GPC6: variants seen among roughly 807,000 people sequenced by gnomAD.
GPC6 encodes glypican 6.
Under a neutral mutation model 55.2 loss-of-function variants are expected in GPC6, and 14 were observed. The observed-to-expected ratio is 0.25, with a 90% CI of 0.17 to 0.40. The LOEUF is 0.40. Among genes scored for constraint, GPC6 ranks in the 10% least tolerant of loss-of-function variants. The pLI is 1.00. For synonymous variants in GPC6, 278 were observed against 259.6 expected, an observed-to-expected ratio of 1.07 and a Z score of -0.68; for missense variants, 641 against 708.5, an observed-to-expected ratio of 0.90 and a Z score of 1.08.
In GPC6 at chr13:94,305,970, G is replaced by T; in HGVS notation, c.1009-10G>T. 6.2e-7 allele frequency: 1 copy of T among 1,613,858 alleles called. No homozygotes were observed. Among genetic ancestry groups the T allele is most frequent in the Non-Finnish European group, 8.5e-7 (1 of 1,179,816 alleles). Reference sequence around the variant, plus strand: ...GTATAGCTGTTTTTACTTTTCAATGGTTCTTCCAGGTCTTTCAGGGATGTG... The same window carrying T: ...GTATAGCTGTTTTTACTTTTCAATGTTTCTTCCAGGTCTTTCAGGGATGTG... On this transcript the variant is annotated splice_polypyrimidine_tract_variant and intron_variant, in intron 5 of 8. Coordinates refer to ENST00000377047, the MANE Select transcript of GPC6 (RefSeq NM_005708.5).
At chr13:93,225,883 C>CTAT (rs1172662395), upstream of GPC6, among the ~76,000 whole-genome samples, 7 of 152,040 alleles carry the variant, frequency 4.6e-5, no homozygotes, top group African/African-American at 1.5e-4. Context: ...TGAATAAACA[C>CTAT]TATTATTATT....
intron 4 of GPC6, among the ~76,000 whole-genome samples, chr13:94,161,199 T>C (rs970573137): frequency 1.3e-5 from 2 of 152,210 alleles, no homozygotes; most frequent in South Asian, 2.1e-4. Flanking sequence ...TCTTATACTT[T>C]TCTTTTTTTC....
rs966395762 is a variant in GPC6 at position 93,666,752 on chromosome 13, T to C, written c.319+121331T>C. 5.3e-5 allele frequency among the ~76,000 whole-genome samples: 8 copies of C among 152,196 alleles called. 1 individual carries two copies. Among genetic ancestry groups the C allele is most frequent in the Middle Eastern group, 6.3e-3 (2 of 316 alleles). On this transcript the variant is annotated intron_variant, in intron 2 of 8. Transcript: ENST00000377047. ...AAATCATGTCAGAGTTAGATCAGCA[T>C]TGTGTTAAAAGGATGTACGCCATCA...
rs77934767 is a variant in GPC6 at position 93,809,335 on chromosome 13, A to G, written c.320-20819A>G. ...TTTACAAAATGTGATTAGTGGGTTA[A>G]TTTTCTTCATTTCAGTTAAGACTTT... is the stretch of plus-strand genomic sequence containing the variant. On this transcript the variant is annotated intron_variant, in intron 2 of 8. Transcript: ENST00000377047. Among the ~76,000 whole-genome samples, 160 of 152,206 alleles carry G rather than the reference A, an allele frequency of 1.1e-3. 2 individuals are homozygous for G. The East Asian group carries it at 0.026, about 25-fold the overall frequency.
At chr13:93,780,771 T>C (rs1339777258) in intron 2 of GPC6, among the ~76,000 whole-genome samples, 2 of 152,226 alleles carry the variant, frequency 1.3e-5, no homozygotes. Context: ...ACATCTATTT[T>C]GGTCATTGCC....
intron 1 of GPC6, among the ~76,000 whole-genome samples, chr13:93,274,066 T>C (rs561411041): frequency 1.1e-4 from 16 of 152,220 alleles, no homozygotes; most frequent in African/African-American, 3.8e-4. Context: ...ATGGCTGGGA[T>C]TACAGGCGTG....
intron 2 of GPC6, among the ~76,000 whole-genome samples, chr13:93,721,669 A>G (rs1295895896): frequency 6.6e-6 from 1 of 151,742 alleles, no homozygotes; most frequent in African/African-American, 2.4e-5. Context: ...TAAGAGCAAA[A>G]ATATTATTAA....
At chr13:93,682,260 G>C (rs1031345881) in intron 2 of GPC6, among the ~76,000 whole-genome samples, 5 of 152,154 alleles carry the variant, frequency 3.3e-5, no homozygotes, top group African/African-American at 1.2e-4. Context: ...GGAAAGTGAA[G>C]GAACAAGGAT....
chr13:93,319,299 C>T (rs1470136606), intron 1 of GPC6, among the ~76,000 whole-genome samples: 1 of 151,982 alleles, frequency 6.6e-6, no homozygotes, highest in Non-Finnish European at 1.5e-5. Context: ...ATAAGAATCA[C>T]CAAGTGTTTG....
At chr13:93,794,386 A>G (rs535619427) in intron 2 of GPC6, among the ~76,000 whole-genome samples, 1 of 152,284 alleles carries the variant, frequency 6.6e-6, no homozygotes, top group African/African-American at 2.4e-5. Flanking sequence ...GGGCCCAGCA[A>G]TCTGGTTTCA....
chr13:93,416,910 C>A (rs1876721860), intron 1 of GPC6, among the ~76,000 whole-genome samples: 2 of 152,138 alleles, frequency 1.3e-5, no homozygotes, highest in Non-Finnish European at 2.9e-5. Flanking sequence ...AGTCTTCTGA[C>A]TTCAAGTCTA....
At chr13:93,472,579 C>A (rs904234471) in intron 1 of GPC6, among the ~76,000 whole-genome samples, 1 of 152,180 alleles carries the variant, frequency 6.6e-6, no homozygotes, top group Non-Finnish European at 1.5e-5. Context: ...TGCCCGGAAG[C>A]TTGGAGATGC....
chr13:93,358,217 A>G (rs1594116696), intron 1 of GPC6, among the ~76,000 whole-genome samples: 1 of 152,048 alleles, frequency 6.6e-6, no homozygotes, highest in Non-Finnish European at 1.5e-5. Context: ...GTGCTGGTGA[A>G]TGCTTGTAGT....
At chr13:93,327,140 A>G (rs1040560287) in intron 1 of GPC6, among the ~76,000 whole-genome samples, 1 of 152,178 alleles carries the variant, frequency 6.6e-6, no homozygotes, top group Non-Finnish European at 1.5e-5. Context: ...ATGTGTTCAA[A>G]TGTGATCAAG....
At chr13:93,997,730 AAGG>A (rs1233592647) in intron 3 of GPC6, among the ~76,000 whole-genome samples, 1 of 152,200 alleles carries the variant, frequency 6.6e-6, no homozygotes, top group Admixed American at 6.5e-5. Context: ...TGATAATTAA[AAGG>A]AGTTGTTGTA....
chr13:94,153,560 G>A (rs1342939762), intron 4 of GPC6, among the ~76,000 whole-genome samples: 1 of 152,158 alleles, frequency 6.6e-6, no homozygotes, highest in African/African-American at 2.4e-5. Flanking sequence ...TAGCTAGTGG[G>A]TATGGCATCC....
chr13:94,054,464 G>T (rs997689940), intron 4 of GPC6, among the ~76,000 whole-genome samples: 19 of 152,306 alleles, frequency 1.2e-4, no homozygotes, highest in Middle Eastern at 6.8e-3. Flanking sequence ...GGGAATGTGT[G>T]TTTCTAACAA....
At chr13:93,366,043 G>A (rs1183138342) in intron 1 of GPC6, among the ~76,000 whole-genome samples, 1 of 152,012 alleles carries the variant, frequency 6.6e-6, no homozygotes, top group Non-Finnish European at 1.5e-5. Context: ...AAGTAGTGGG[G>A]TGAGAGATAC....
At chr13:94,064,488 C>T (rs1459005104) in intron 4 of GPC6, among the ~76,000 whole-genome samples, 1 of 152,010 alleles carries the variant, frequency 6.6e-6, no homozygotes, top group African/African-American at 2.4e-5. Flanking sequence ...AGAAAGAAAA[C>T]CTGTATTGAA....
Sources: gnomAD v4.1 joint callset for allele counts (sites outside exome capture counted in the v4.1 genomes callset) on GRCh38, gnomAD v4.1.1 for gene constraint, MANE v1.5 for transcripts, NCBI Gene and HGNC (gene_info 2026-07-23, HGNC 2026-07-21) for gene names.